Variants in WHRN observed in about 807,000 individuals in gnomAD.
The protein encoded by WHRN is whirlin.
WHRN carries 41 observed loss-of-function variants against 68.3 expected under a neutral mutation model. The ratio of observed to expected loss-of-function variants is 0.60; its 90% CI spans 0.47 to 0.78. The LOEUF is 0.78. Ranked by LOEUF, WHRN falls within the 30% of genes least tolerant of loss-of-function variation. The pLI is 0.00. For missense variants in WHRN, 1,243 were observed against 1,244.7 expected, an observed-to-expected ratio of 1.00 and a Z score of 0.02; for synonymous variants, 560 against 561.3, an observed-to-expected ratio of 1.00 and a Z score of 0.03.
intron 3 of WHRN, among the ~76,000 whole-genome samples, chr9:114,444,124 G>A (rs1838621469): frequency 1.3e-5 from 2 of 152,300 alleles, no homozygotes; most frequent in South Asian, 2.1e-4. Flanking sequence ...TGGGGACACA[G>A]CCAATCCATA....
chr9:114,407,413 T>C (rs1156284433), intron 8 of WHRN, among the ~76,000 whole-genome samples: 5 of 151,892 alleles, frequency 3.3e-5, no homozygotes. Context: ...CCAGCAGAGG[T>C]GGTGTGGTGA....
chr9:114,492,796 C>A (rs1026536836), intron 1 of WHRN, among the ~76,000 whole-genome samples: 2 of 151,676 alleles, frequency 1.3e-5, no homozygotes, highest in African/African-American at 4.8e-5. Flanking sequence ...GACCAGCCTG[C>A]GCAACATGGT....
At chr9:114,490,583 A>G (rs1007186748) in intron 1 of WHRN, among the ~76,000 whole-genome samples, 1 of 151,788 alleles carries the variant, frequency 6.6e-6, no homozygotes, top group Admixed American at 6.5e-5. Context: ...TAAGAGTTTG[A>G]CCTTCTCTGA....
At chr9:114,403,075 G>A in intron 11 of WHRN, 139 bp from the exon 12 acceptor site, 1 of 1,530,212 alleles carries the variant, frequency 6.5e-7, no homozygotes, top group Non-Finnish European at 9.0e-7. Context: ...GAAAGCTGAG[G>A]CCCGGAAGAG....
chr9:114,465,606 G>C (rs1840614126), intron 3 of WHRN, among the ~76,000 whole-genome samples: 1 of 152,168 alleles, frequency 6.6e-6, no homozygotes, highest in African/African-American at 2.4e-5. Flanking sequence ...CTCGTGAGCA[G>C]TCTTGTCTCT....
At chr9:114,480,652 T>G (rs1564208183) in intron 1 of WHRN, among the ~76,000 whole-genome samples, 1 of 152,348 alleles carries the variant, frequency 6.6e-6, no homozygotes, top group East Asian at 1.9e-4. Context: ...ACCCAGTCTA[T>G]GGTATTTTGT....
intron 3 of WHRN, among the ~76,000 whole-genome samples, chr9:114,436,294 A>G (rs1837842256): frequency 6.6e-6 from 1 of 152,214 alleles, no homozygotes; most frequent in Non-Finnish European, 1.5e-5. Context: ...ATAATGTTTG[A>G]TACATGACAT....
At chr9:114,431,468 C>T (rs953918529) in intron 3 of WHRN, among the ~76,000 whole-genome samples, 1 of 152,216 alleles carries the variant, frequency 6.6e-6, no homozygotes, top group Non-Finnish European at 1.5e-5. Flanking sequence ...TTCTCATCTT[C>T]TTCCTACCAG....
At chr9:114,425,622 CACACACACAG>C (rs1433969330) in intron 4 of WHRN, 37 of 252,782 alleles carry the variant, frequency 1.5e-4, no homozygotes, top group African/African-American at 7.6e-4. Flanking sequence ...CACACACACA[CACACACACAG>C]AGAGACACAG....
At chr9:114,429,333 G>A (rs1837194903) in intron 3 of WHRN, among the ~76,000 whole-genome samples, 1 of 152,140 alleles carries the variant, frequency 6.6e-6, no homozygotes, top group Admixed American at 6.5e-5. Context: ...AAGCACTATG[G>A]CTAATGGTTT....
chr9:114,479,019 T>C (rs1211813425), intron 1 of WHRN, among the ~76,000 whole-genome samples: 2 of 152,204 alleles, frequency 1.3e-5, no homozygotes, highest in Non-Finnish European at 2.9e-5. Context: ...GCGGAGGAGT[T>C]TGCATTGCAG....
intron 2 of WHRN, among the ~76,000 whole-genome samples, chr9:114,469,477 C>T (rs1315526972): frequency 6.6e-6 from 1 of 152,210 alleles, no homozygotes; most frequent in Non-Finnish European, 1.5e-5. Flanking sequence ...CGAGTCTCTC[C>T]TCAAGAACTG....
At chr9:114,464,264 A>T (rs1054254694) in intron 3 of WHRN, among the ~76,000 whole-genome samples, 3 of 151,994 alleles carry the variant, frequency 2.0e-5, no homozygotes, top group African/African-American at 7.2e-5. Context: ...TGTCTATAAC[A>T]ATGATGATAA....
At chr9:114,418,410 C>T (rs1205614078) in intron 7 of WHRN, among the ~76,000 whole-genome samples, 1 of 152,216 alleles carries the variant, frequency 6.6e-6, no homozygotes, top group Admixed American at 6.5e-5. Flanking sequence ...GCATGACCTT[C>T]CCAGGCCCTT....
At position 114,406,589 on chromosome 9, in the gene WHRN, G is replaced by A. The variant is rs1484595906; in HGVS notation, c.2002C>T (p.His668Tyr). Residue 668 changes from histidine (H) to tyrosine (Y), a missense_variant, in exon 9 of 12, where the codon CAT becomes TAT. His to Tyr is a moderately conservative substitution (Grantham distance 83). Coordinates refer to ENST00000362057, the MANE Select transcript of WHRN (RefSeq NM_015404.4). ...GGGTGTTGGTTGACCAGGGCCAGATGGGCGTCCAGCGGCCTCTTGGAGCTG... is the reference window on the plus strand; with the variant it reads ...GGGTGTTGGTTGACCAGGGCCAGATAGGCGTCCAGCGGCCTCTTGGAGCTG... Reference protein sequence around the residue: ...NPSSKRPLDAHLALVNQHPIG... With the variant: ...NPSSKRPLDAYLALVNQHPIG... 6.2e-7 allele frequency: 1 copy of A among 1,610,944 alleles called. No homozygotes were observed.
At chr9:114,466,689 G>A (rs561753128) in intron 2 of WHRN, among the ~76,000 whole-genome samples, 6 of 152,228 alleles carry the variant, frequency 3.9e-5, no homozygotes, top group Admixed American at 3.9e-4. Flanking sequence ...GCCAACACCC[G>A]GGACTACTCA....
chr9:114,462,345 A>T (rs1436898370), intron 3 of WHRN, among the ~76,000 whole-genome samples: 3 of 152,014 alleles, frequency 2.0e-5, no homozygotes, highest in African/African-American at 7.2e-5. Flanking sequence ...TGTAAAGAGA[A>T]CTCTCTGCAA....
rs778333275 is a variant in WHRN, at chr9:114,406,912, G to A, written c.1699-20C>T. 2 of 1,557,682 alleles carry A rather than the reference G, an allele frequency of 1.3e-6. No individual in the cohort carries two copies. The highest frequency in any genetic ancestry group is 2.4e-5 in the South Asian group (2 of 84,730). On this transcript the variant is annotated intron_variant, in intron 8 of 11. Coordinates refer to ENST00000362057, the MANE Select transcript of WHRN (RefSeq NM_015404.4). ...ATCATCCTGCCAAAAGACCCAACAG[G>A]CGGAGAAGGAGTCAGACCCCATCAC...
At chr9:114,494,928 G>GC (rs1491403259) in intron 1 of WHRN, among the ~76,000 whole-genome samples, 13 of 50,348 alleles carry the variant, frequency 2.6e-4, no homozygotes, top group Admixed American at 1.4e-3. Flanking sequence ...CCATGACACT[G>GC]GGGGGGGGAG....
Sources: gnomAD v4.1 joint callset for allele counts (sites outside exome capture counted in the v4.1 genomes callset) on GRCh38, gnomAD v4.1.1 for gene constraint, MANE v1.5 for transcripts, NCBI Gene and HGNC (gene_info 2026-07-23, HGNC 2026-07-21) for gene names.